MARVELD2: variants seen among roughly 807,000 people sequenced by gnomAD.
MARVELD2 encodes MARVEL domain containing 2.
A neutral mutation model predicts 57.6 loss-of-function variants in MARVELD2; 49 were observed. The observed-to-expected ratio is 0.85, with a 90% CI of 0.68 to 1.08. The LOEUF (loss-of-function observed/expected upper bound fraction) is 1.08, where lower values mean the gene tolerates loss of function less well. MARVELD2 is among the 50% of genes least tolerant of loss of function. The pLI, the probability that MARVELD2 is intolerant of heterozygous loss-of-function variation, is 0.00. For synonymous variants in MARVELD2, 238 were observed against 258.8 expected, an observed-to-expected ratio of 0.92 and a Z score of 0.77; for missense variants, 606 against 701.1, an observed-to-expected ratio of 0.86 and a Z score of 1.53.
intron 1 of MARVELD2, among the ~76,000 whole-genome samples, chr5:69,416,178 C>G (rs1325145105): frequency 6.6e-6 from 1 of 152,190 alleles, no homozygotes; most frequent in Non-Finnish European, 1.5e-5. Context: ...GTAAAACTTG[C>G]TAAAATCATT....
At position 69,419,857 on chromosome 5, in the gene MARVELD2, C is replaced by T. The variant is rs201361006; in HGVS notation, c.472C>T (p.Pro158Ser). The change falls in exon 2 of 7, where the codon CCC becomes TCC. Residue 158 changes from proline to serine, a missense_variant. Physicochemically the swap from Pro to Ser is moderately conservative, Grantham distance 74. Transcript: ENST00000325631. ...KEADAVFPRD[P>S]YGSLDRHTQT... ...GGCTGACGCAGTGTTTCCCCGGGAT[C>T]CCTATGGATCTCTAGACCGACACAC... 1 of 1,614,138 alleles carries T rather than the reference C, an allele frequency of 6.2e-7. No individual in the cohort carries two copies. Among genetic ancestry groups the T allele is most frequent in the Admixed American group, 1.7e-5 (1 of 60,016 alleles).
chr5:69,432,807 G>A (rs1561299554), intron 4 of MARVELD2, 115 bp from the exon 5 acceptor site: 2 of 1,534,542 alleles, frequency 1.3e-6, no homozygotes, highest in Non-Finnish European at 1.8e-6. Context: ...TTATCTGAGA[G>A]GTAATGTATT....
chr5:69,421,974 T>C (rs1235606819), intron 2 of MARVELD2, among the ~76,000 whole-genome samples: 2 of 152,262 alleles, frequency 1.3e-5, no homozygotes, highest in Admixed American at 1.3e-4. Flanking sequence ...TAATTTCTTA[T>C]GCCTGTCTTT....
chr5:69,425,683 A>G (rs186294954), intron 3 of MARVELD2, among the ~76,000 whole-genome samples: 35 of 151,052 alleles, frequency 2.3e-4, no homozygotes, highest in South Asian at 1.3e-3. Flanking sequence ...CAGATGCCAA[A>G]TTTTTTACTA....
In MARVELD2 at chr5:69,429,879, A is replaced by G. The variant is rs1033327867; in HGVS notation, c.1183-2648A>G. The stretch of plus-strand genomic sequence containing the variant: ...AAAAAAAAAAAAGTATCAATAAACC[A>G]AATAGTTCTGGGTTATTTATTTATT... On this transcript the variant is annotated intron_variant, in intron 3 of 6. Transcript: ENST00000325631. Among the ~76,000 whole-genome samples, 196 of 141,226 alleles carry G rather than the reference A, an allele frequency of 1.4e-3. 4 individuals carry two copies. In the Admixed American group the frequency reaches 0.014, roughly 10 times the overall value. 92.6% of individuals were successfully genotyped at this position (141,226 alleles called of 152,430 possible). A position where few individuals can be genotyped will look rare whatever the true frequency, so the allele number is the denominator to read the frequency against.
intron 2 of MARVELD2, among the ~76,000 whole-genome samples, chr5:69,421,593 T>C (rs1436298942): frequency 6.6e-6 from 1 of 152,126 alleles, no homozygotes; most frequent in Non-Finnish European, 1.5e-5. Context: ...ATCTGATGCA[T>C]AGCAACAAAT....
intron 5 of MARVELD2, among the ~76,000 whole-genome samples, chr5:69,437,381 T>TAAAA (rs36086491): frequency 1.0e-5 from 1 of 100,104 alleles, no homozygotes; most frequent in African/African-American, 4.0e-5. Context: ...AACTCTGTCT[T>TAAAA]AAAAAAAAAA....
intron 2 of MARVELD2, among the ~76,000 whole-genome samples, chr5:69,422,620 G>A (rs945434619): frequency 9.2e-5 from 14 of 152,100 alleles, no homozygotes; most frequent in African/African-American, 2.9e-4. Flanking sequence ...ATTTTGCCCC[G>A]TCCTGTGGCC....
chr5:69,441,972 G>A lies in MARVELD2; in HGVS notation c.*318G>A, dbSNP rs575656482. The A allele has an allele frequency of 4.9e-6, 1 of 205,240 alleles. No homozygotes were observed. The highest frequency in any genetic ancestry group is 1.0e-5 in the Non-Finnish European group (1 of 100,484). The allele number at this position is 205,240 out of a possible 1,614,324, so 12.7% of individuals were successfully genotyped here. ...TACTGCCTTTTTAATGCTAGCCTCT[G>A]TGGTAGAGAAGCAAGCGCTTCCCAA... On this transcript the variant is annotated 3_prime_UTR_variant, in exon 7 of 7. Transcript: ENST00000325631.
At chr5:69,441,038 A>G (rs1767311647) in intron 6 of MARVELD2, among the ~76,000 whole-genome samples, 1 of 152,182 alleles carries the variant, frequency 6.6e-6, no homozygotes, top group Admixed American at 6.6e-5. Context: ...GGGAGACAGT[A>G]CGCCACTGCA....
chr5:69,436,479 G>T (rs1015684828), intron 5 of MARVELD2, among the ~76,000 whole-genome samples: 6 of 147,828 alleles, frequency 4.1e-5, no homozygotes, highest in African/African-American at 1.5e-4. Context: ...TACCTGAGAA[G>T]TTAGGTGTCT....
intron 3 of MARVELD2, among the ~76,000 whole-genome samples, chr5:69,431,054 C>T (rs1766947623): frequency 1.3e-5 from 2 of 151,500 alleles, no homozygotes; most frequent in Admixed American, 1.3e-4. Context: ...CTCAGCCTCC[C>T]AAAGTGTTAG....
chr5:69,423,988 A>T (rs531359947), intron 2 of MARVELD2, among the ~76,000 whole-genome samples: 1 of 152,376 alleles, frequency 6.6e-6, no homozygotes, highest in South Asian at 2.1e-4. Context: ...TCAGTATGAA[A>T]TCCAGATAGT....
rs1381195030 is a variant in MARVELD2, at chr5:69,442,280, CT to C, written c.*628del. 1.3e-5 allele frequency: 2 copies of C among 152,160 alleles called. No homozygotes were observed. Among genetic ancestry groups the C allele is most frequent in the Non-Finnish European group, 1.5e-5 (1 of 68,044 alleles). The allele number at this position is 152,160 out of a possible 1,614,324, so 9.4% of individuals were successfully genotyped here. On this transcript the variant is annotated 3_prime_UTR_variant, in exon 7 of 7. Transcript: ENST00000325631. ...TAGGATTTTTCTGGGACAAATTTCT[CT>C]TCCTAGAGAAATTCCTAGGGGATTT... is the stretch of plus-strand genomic sequence containing the variant.
At chr5:69,426,020 G>T (rs1477317845) in intron 3 of MARVELD2, among the ~76,000 whole-genome samples, 2 of 151,810 alleles carry the variant, frequency 1.3e-5, no homozygotes, top group Non-Finnish European at 2.9e-5. Context: ...GGGATTATGG[G>T]TGTGAGCCAG....
intron 2 of MARVELD2, among the ~76,000 whole-genome samples, chr5:69,424,103 C>A (rs1766709698): frequency 6.6e-6 from 1 of 152,032 alleles, no homozygotes; most frequent in East Asian, 1.9e-4. Context: ...ACTTTTATTT[C>A]TTTTTCCTTT....
rs539772094 is a variant in MARVELD2, at chr5:69,419,296, A to G, written c.-15-75A>G. 8 of 1,430,922 alleles carry G rather than the reference A, an allele frequency of 5.6e-6. No individual in the cohort carries two copies. The South Asian group carries it at 8.4e-5, about 15-fold the overall frequency. The allele number at this position is 1,430,922 out of a possible 1,614,324, so 88.6% of individuals were successfully genotyped here. A position where few individuals can be genotyped will look rare whatever the true frequency, so the allele number is the denominator to read the frequency against. On this transcript the variant is annotated intron_variant, in intron 1 of 6. Transcript: ENST00000325631. ...GTTGGTCTCCTAAATACTTTTTGCT[A>G]CTACATGAATAAAATCAGCATCATT... is the stretch of plus-strand genomic sequence containing the variant.
chr5:69,443,104 C>G lies in MARVELD2; in HGVS notation c.*1450C>G, dbSNP rs1767372829. 1 of 152,364 alleles carries G rather than the reference C, an allele frequency of 6.6e-6. No individual in the cohort carries two copies. Among genetic ancestry groups the G allele is most frequent in the Non-Finnish European group, 1.5e-5 (1 of 68,246 alleles). The allele number at this position is 152,364 out of a possible 1,614,324, so 9.4% of individuals were successfully genotyped here. On this transcript the variant is annotated 3_prime_UTR_variant, in exon 7 of 7. Coordinates refer to ENST00000325631, the MANE Select transcript of MARVELD2 (RefSeq NM_001038603.3). ...TCAGCCTCCCAAAGTGTTGGGATTA[C>G]AGGCGTGAGTCACCGCGCCCAGCTG...
chr5:69,432,749 G>A, intron 4 of MARVELD2, 74 bp downstream of exon 4: 1 of 1,602,052 alleles, frequency 6.2e-7, no homozygotes, highest in Admixed American at 1.7e-5. Context: ...TTTCCAGTTT[G>A]TCTCCAAGTT....
Sources: allele counts gnomAD v4.1 joint callset (sites outside exome capture counted in the v4.1 genomes callset), GRCh38; gene constraint gnomAD v4.1.1; transcripts MANE v1.5; gene names NCBI Gene and HGNC (gene_info 2026-07-23, HGNC 2026-07-21).